TPD52L1: variants seen among roughly 807,000 people sequenced by gnomAD.
The protein encoded by TPD52L1 is TPD52 like 1.
TPD52L1 carries 18 observed loss-of-function variants against 28.7 expected under a neutral mutation model. That is an observed-to-expected ratio of 0.63 (90% CI 0.43 to 0.93). The LOEUF (loss-of-function observed/expected upper bound fraction) is 0.93, where lower values mean the gene tolerates loss of function less well. Ranked by LOEUF, TPD52L1 falls within the 40% of genes least tolerant of loss-of-function variation. The pLI is 0.00. For missense variants in TPD52L1, 203 were observed against 254.8 expected (o/e 0.80, Z 1.39); for synonymous variants, 75 against 88.8 (o/e 0.84, Z 0.88).
At chr6:125,186,457 T>C (rs1792637538) in intron 1 of TPD52L1, among the ~76,000 whole-genome samples, 1 of 152,068 alleles carries the variant, frequency 6.6e-6, no homozygotes. Flanking sequence ...TATAGCAAAA[T>C]ATAAACTACC....
chr6:125,200,975 T>C (rs955009616), intron 1 of TPD52L1, among the ~76,000 whole-genome samples: 5 of 152,202 alleles, frequency 3.3e-5, no homozygotes, highest in Admixed American at 6.5e-5. Context: ...TTTAGCATAT[T>C]TCATTTTTCA....
chr6:125,193,499 C>G (rs78160268), intron 1 of TPD52L1, among the ~76,000 whole-genome samples: 4 of 152,066 alleles, frequency 2.6e-5, no homozygotes, highest in Non-Finnish European at 5.9e-5. Flanking sequence ...TCCCAAGCAG[C>G]TTTTCTGTGA....
chr6:125,190,992 A>G (rs1346362694), intron 1 of TPD52L1, among the ~76,000 whole-genome samples: 2 of 152,224 alleles, frequency 1.3e-5, no homozygotes, highest in African/African-American at 4.8e-5. Flanking sequence ...TGCTACATCA[A>G]GGTAACAATG....
intron 2 of TPD52L1, among the ~76,000 whole-genome samples, chr6:125,220,752 T>C (rs116449650): frequency 0.01 from 1,593 of 152,278 alleles, 28 homozygotes; most frequent in African/African-American, 0.036. Context: ...GCTGTGGGGA[T>C]CCGGACCTAG....
intron 1 of TPD52L1, among the ~76,000 whole-genome samples, chr6:125,161,276 A>T (rs1220010672): frequency 6.6e-6 from 1 of 152,234 alleles, no homozygotes; most frequent in Non-Finnish European, 1.5e-5. Flanking sequence ...TCTCTGGATT[A>T]GATTTTCACT....
intron 2 of TPD52L1, 81 bp downstream of exon 2, chr6:125,220,274 G>C: frequency 1.2e-6 from 1 of 869,132 alleles, no homozygotes. Flanking sequence ...TAATTGTAAT[G>C]ATGTTGTATT....
intron 1 of TPD52L1, among the ~76,000 whole-genome samples, chr6:125,206,338 A>C (rs1230407336): frequency 6.6e-6 from 1 of 152,156 alleles, no homozygotes; most frequent in Non-Finnish European, 1.5e-5. Context: ...TGTCATTTAT[A>C]CTGTATATAG....
At position 125,209,553 on chromosome 6, in the gene TPD52L1, T is replaced by A. The variant is rs184007374; in HGVS notation, c.20-10525T>A. 7.2e-5 allele frequency among the ~76,000 whole-genome samples: 11 copies of A among 152,328 alleles called. 1 individual carries two copies. In the East Asian group the frequency reaches 1.9e-3, roughly 27 times the overall value. Reference sequence around the variant, plus strand: ...AAACTATTGAAAGGCCACATCTTAATTACCAGACCTATCTTCAGAATCCAA... The same window carrying A: ...AAACTATTGAAAGGCCACATCTTAAATACCAGACCTATCTTCAGAATCCAA... On this transcript the variant is annotated intron_variant, in intron 1 of 6. Transcript: ENST00000534000.
At chr6:125,217,980 T>C (rs1245685536) in intron 1 of TPD52L1, among the ~76,000 whole-genome samples, 3 of 152,194 alleles carry the variant, frequency 2.0e-5, no homozygotes, top group African/African-American at 7.2e-5. Flanking sequence ...TATGCTTATG[T>C]ATTGTCCTGT....
intron 4 of TPD52L1, among the ~76,000 whole-genome samples, chr6:125,251,112 C>T (rs74912951): frequency 2.2e-4 from 33 of 151,698 alleles, no homozygotes; most frequent in African/African-American, 7.0e-4. Context: ...AGTGTTTAAA[C>T]TTAATAAAAG....
chr6:125,174,150 C>T (rs1290097484), intron 1 of TPD52L1, among the ~76,000 whole-genome samples: 1 of 152,096 alleles, frequency 6.6e-6, no homozygotes, highest in African/African-American at 2.4e-5. Flanking sequence ...TGCTTGGGTA[C>T]TATTATGGCA....
At chr6:125,217,458 G>C (rs1794960351) in intron 1 of TPD52L1, among the ~76,000 whole-genome samples, 1 of 152,160 alleles carries the variant, frequency 6.6e-6, no homozygotes, top group African/African-American at 2.4e-5. Flanking sequence ...ACGCAAGCTA[G>C]ATCCCTCGCA....
rs57061570 is a variant in TPD52L1, at chr6:125,160,850, C to CTTTT, written c.19+6896_19+6899dup. Among the ~76,000 whole-genome samples, 166 of 129,434 alleles carry CTTTT rather than the reference C, an allele frequency of 1.3e-3. 5 individuals are homozygous for CTTTT. The highest frequency in any genetic ancestry group is 3.5e-3 in the African/African-American group (119 of 33,700). 84.9% of individuals were successfully genotyped at this position (129,434 alleles called of 152,430 possible). ...TTGCACTTTTATGTTACAGAGATGA[C>CTTTT]TTTTTTTTTTTTTTTTTTTGAGATG... On this transcript the variant is annotated intron_variant, in intron 1 of 6. Coordinates refer to ENST00000534000, the MANE Select transcript of TPD52L1 (RefSeq NM_003287.4).
chr6:125,172,098 CCCTTTCTTTCTTTCTTTCTTT>C (rs1791359961), intron 1 of TPD52L1, among the ~76,000 whole-genome samples: 1 of 77,446 alleles, frequency 1.3e-5, no homozygotes, highest in African/African-American at 8.3e-5. Context: ...TTCTTTCTTT[CCCTTTCTTTCTTTCTTTCTTT>C]CTTTCTTTCT....
chr6:125,220,051 C>T (rs1374490353), intron 1 of TPD52L1, 27 bp from the exon 2 acceptor site: 24 of 1,539,656 alleles, frequency 1.6e-5, no homozygotes, highest in Non-Finnish European at 2.1e-5. Context: ...TAAAAATTGC[C>T]TTCTGTTTTA....
chr6:125,210,876 G>T (rs1387123315), intron 1 of TPD52L1, among the ~76,000 whole-genome samples: 1 of 152,170 alleles, frequency 6.6e-6, no homozygotes, highest in Admixed American at 6.5e-5. Context: ...AACTATCACA[G>T]TTACAAAGTT....
At chr6:125,154,122 C>A in intron 1 of TPD52L1, 152 bp downstream of exon 1, 1 of 1,407,232 alleles carries the variant, frequency 7.1e-7, no homozygotes, top group Middle Eastern at 1.8e-4. Flanking sequence ...TGGTATAATG[C>A]CTGCTGCCCA....
chr6:125,219,921 G>T, intron 1 of TPD52L1, 157 bp from the exon 2 acceptor site: 1 of 685,168 alleles, frequency 1.5e-6, no homozygotes, highest in Non-Finnish European at 2.7e-6. Flanking sequence ...CTTGGAGCTC[G>T]TCACACATTT....
chr6:125,198,596 A>T (rs764571550), intron 1 of TPD52L1, among the ~76,000 whole-genome samples: 1 of 152,198 alleles, frequency 6.6e-6, no homozygotes, highest in Non-Finnish European at 1.5e-5. Context: ...CTGTCTATGA[A>T]CGTCAATTTT....
Sources: allele counts gnomAD v4.1 joint callset (sites outside exome capture counted in the v4.1 genomes callset), GRCh38; gene constraint gnomAD v4.1.1; transcripts MANE v1.5; gene names NCBI Gene and HGNC (gene_info 2026-07-23, HGNC 2026-07-21).